MAST4: variants seen among roughly 807,000 people sequenced by gnomAD.
The protein encoded by MAST4 is microtubule associated serine/threonine kinase family member 4, also known as microtubule-associated serine/threonine-protein kinase 4.
MAST4 carries 89 observed loss-of-function variants against 162.7 expected under a neutral mutation model. That is an observed-to-expected ratio of 0.55 (90% CI 0.46 to 0.65). MAST4 has a LOEUF of 0.65. MAST4 is among the 30% of genes least tolerant of loss of function. The pLI, the probability that MAST4 is intolerant of heterozygous loss-of-function variation, is 0.00. For synonymous variants in MAST4, 1,479 were observed against 1,361.1 expected, an observed-to-expected ratio of 1.09 and a Z score of -1.91; for missense variants, 3,153 against 3,374.0, an observed-to-expected ratio of 0.93 and a Z score of 1.62.
At chr5:66,947,818 T>A (rs933586799) in intron 4 of MAST4, among the ~76,000 whole-genome samples, 1 of 152,204 alleles carries the variant, frequency 6.6e-6, no homozygotes, top group African/African-American at 2.4e-5. Flanking sequence ...ATTCTTAATG[T>A]TGGGTCTCAA....
At position 67,169,050 on chromosome 5, in the gene MAST4, G is replaced by A. The variant is rs539355029; in HGVS notation, c.*1999G>A. ...AGTTTACTAATGGATTTCAAAACTG[G>A]TCTCAACGTTTATAATACATATCTG... On this transcript the variant is annotated 3_prime_UTR_variant, in exon 29 of 29. Transcript: ENST00000403625. The A allele has an allele frequency of 2.6e-5, 4 of 152,066 alleles. No individual in the cohort carries two copies. The highest frequency in any genetic ancestry group is 9.6e-5 in the African/African-American group (4 of 41,478). The allele number at this position is 152,066 out of a possible 1,614,324, so 9.4% of individuals were successfully genotyped here.
chr5:66,856,087 G>C (rs1759662780), intron 3 of MAST4, among the ~76,000 whole-genome samples: 1 of 152,118 alleles, frequency 6.6e-6, no homozygotes, highest in South Asian at 2.1e-4. Context: ...TTGAGCTCAG[G>C]AGTCTGAGGC....
chr5:66,681,784 C>T (rs937120418), intron 1 of MAST4, among the ~76,000 whole-genome samples: 1 of 152,216 alleles, frequency 6.6e-6, no homozygotes, highest in African/African-American at 2.4e-5. Context: ...TCTCTGCTGT[C>T]TTCTCTGTCC....
intron 4 of MAST4, among the ~76,000 whole-genome samples, chr5:67,008,800 T>C (rs965206421): frequency 6.6e-6 from 1 of 152,202 alleles, no homozygotes; most frequent in Non-Finnish European, 1.5e-5. Context: ...CAGTAATTGC[T>C]ATGAACAGCA....
At chr5:66,829,853 A>G (rs1373747021) in intron 3 of MAST4, among the ~76,000 whole-genome samples, 1 of 109,122 alleles carries the variant, frequency 9.2e-6, no homozygotes, top group Non-Finnish European at 2.1e-5. Flanking sequence ...TTACTATAAT[A>G]TTAATATAGG....
intron 1 of MAST4, among the ~76,000 whole-genome samples, chr5:66,681,901 A>G (rs954727165): frequency 6.6e-6 from 1 of 152,150 alleles, no homozygotes; most frequent in Admixed American, 6.5e-5. Context: ...TTTTAGATTC[A>G]TAAACTCAAG....
At chr5:66,828,499 G>A (rs76845495) in intron 3 of MAST4, among the ~76,000 whole-genome samples, 2,407 of 152,158 alleles carry the variant, frequency 0.016, 64 homozygotes, top group African/African-American at 0.053. Context: ...AGCTACTGCC[G>A]AAAGCCATTT....
intron 4 of MAST4, among the ~76,000 whole-genome samples, chr5:66,928,377 A>G (rs1423460): frequency 0.049 from 7,464 of 152,226 alleles, 575 homozygotes; most frequent in African/African-American, 0.17. Context: ...AAGACAAATT[A>G]CTTGTTGGGG....
At position 67,149,290 on chromosome 5, in the gene MAST4, C is replaced by T. The variant is rs76551581; in HGVS notation, c.3095-99C>T. ...CTTACTGGCCACATAGGAGTATGTT[C>T]TCTGGCGTTTACTCTTCCTGCTGTC... On this transcript the variant is annotated intron_variant, in intron 23 of 28. Transcript: ENST00000403625. 9.2e-4 allele frequency: 961 copies of T among 1,043,960 alleles called. 1 individual carries two copies. Among genetic ancestry groups the T allele is most frequent in the African/African-American group, 6.4e-3 (405 of 63,236 alleles). The allele number at this position is 1,043,960 out of a possible 1,614,324, so 64.7% of individuals were successfully genotyped here.
chr5:67,116,351 G>A (rs1200057543), intron 12 of MAST4, among the ~76,000 whole-genome samples: 3 of 151,588 alleles, frequency 2.0e-5, no homozygotes, highest in Admixed American at 6.6e-5. Context: ...GATTACAGAC[G>A]TGTGTCACCA....
In MAST4 at chr5:67,167,042, G is replaced by A; in HGVS notation, c.7863G>A (p.Lys2621=). ...KESLRSSPHK[K]AL ...GTTTGCGTAGCAGCCCTCACAAAAA[G>A]GCCTTGTAACGGGGAGGGCCCAGGG... The change falls in exon 29 of 29, where the codon AAG becomes AAA. Residue 2621 remains lysine (K), a synonymous_variant. Transcript: ENST00000403625. 3 of 1,583,570 alleles carry A rather than the reference G, an allele frequency of 1.9e-6. No homozygotes were observed. The highest frequency in any genetic ancestry group is 2.6e-6 in the Non-Finnish European group (3 of 1,164,350).
chr5:66,756,803 C>T (rs910195750), intron 1 of MAST4, among the ~76,000 whole-genome samples: 4 of 152,120 alleles, frequency 2.6e-5, no homozygotes, highest in Non-Finnish European at 4.4e-5. Flanking sequence ...GGAGTGTGAT[C>T]GGATGTGAAG....
chr5:66,714,187 C>T (rs565029290), intron 1 of MAST4, among the ~76,000 whole-genome samples: 5 of 152,230 alleles, frequency 3.3e-5, no homozygotes, highest in East Asian at 1.9e-4. Flanking sequence ...GTTTAGTCTC[C>T]GGTCTTTTTC....
rs1769673508 is a variant in MAST4 at position 67,136,584 on chromosome 5, A to G, written c.2414A>G (p.Lys805Arg). Residue 805 changes from lysine to arginine, a missense_variant, in exon 19 of 29, where the codon AAG (lysine) becomes AGG (arginine). By Grantham distance (26) the Lys-to-Arg change is conservative (BLOSUM62 2). This residue lies in a region of MAST4 where 62 missense variants were observed against 63.1 expected (regional missense o/e 0.98). Transcript: ENST00000403625. ...VISDEINWPEKDEAPPPDAQD... is the reference protein window; with the variant it reads ...VISDEINWPERDEAPPPDAQD... The stretch of plus-strand genomic sequence containing the variant: ...CTAGATGAGATCAACTGGCCTGAGA[A>G]GGATGAGGCACCCCCACCTGATGCC... 6.2e-7 allele frequency: 1 copy of G among 1,605,450 alleles called. No homozygotes were observed. Among genetic ancestry groups the G allele is most frequent in the Admixed American group, 1.7e-5 (1 of 59,164 alleles).
chr5:66,782,310 A>G (rs1754913834), intron 2 of MAST4, among the ~76,000 whole-genome samples: 1 of 152,020 alleles, frequency 6.6e-6, no homozygotes, highest in Admixed American at 6.6e-5. Context: ...AAAAAAGAAA[A>G]CACATTCTAG....
At chr5:67,154,945 C>T (rs756806634) in intron 26 of MAST4, among the ~76,000 whole-genome samples, 118 of 152,292 alleles carry the variant, frequency 7.7e-4, no homozygotes, top group Middle Eastern at 3.4e-3. Flanking sequence ...ATTGGTTTAA[C>T]AGCAGGGAAG....
intron 1 of MAST4, among the ~76,000 whole-genome samples, chr5:66,731,698 C>T (rs1319518732): frequency 2.6e-5 from 4 of 152,042 alleles, no homozygotes; most frequent in Admixed American, 2.6e-4. Flanking sequence ...TGTCTCCACT[C>T]TCATTTCTCT....
chr5:67,094,764 A>G (rs181655289), intron 6 of MAST4, among the ~76,000 whole-genome samples: 30 of 152,290 alleles, frequency 2.0e-4, no homozygotes, highest in Middle Eastern at 3.4e-3. Flanking sequence ...CCTTATCCAC[A>G]GCCAAACTCC....
At chr5:67,124,420 GTC>G (rs754510076) in intron 14 of MAST4, among the ~76,000 whole-genome samples, 9 of 150,664 alleles carry the variant, frequency 6.0e-5, no homozygotes, top group East Asian at 1.9e-4. Context: ...GTTTCTCTCT[GTC>G]TCTCTCTCTC....
Sources: gnomAD v4.1 joint callset for allele counts (sites outside exome capture counted in the v4.1 genomes callset) on GRCh38, gnomAD v4.1.1 for gene constraint, gnomAD v4.1.1 regional missense constraint, MANE v1.5 for transcripts, NCBI Gene and HGNC (gene_info 2026-07-23, HGNC 2026-07-21) for gene names.